The following CSNK2A1 variants were observed in gnomAD, a reference collection of about 807,000 sequenced individuals.
CSNK2A1 encodes casein kinase II subunit alpha.
A neutral mutation model predicts 62.9 loss-of-function variants in CSNK2A1; 10 were observed. The observed-to-expected ratio is 0.16, with a 90% confidence interval of 0.10 to 0.27. The LOEUF is 0.27. Ranked by LOEUF, CSNK2A1 falls within the 10% of genes least tolerant of loss-of-function variation. The probability of loss-of-function intolerance (pLI) is 1.00; values close to 1 mark genes in which losing one functional copy is unlikely to be tolerated. For synonymous variants in CSNK2A1, 124 were observed against 167.8 expected (o/e 0.74, Z 2.02); for missense variants, 160 against 492.0 (o/e 0.33, Z 6.38).
At chr20:514,612 T>G (rs1485123090) in intron 2 of CSNK2A1, among the ~76,000 whole-genome samples, 2 of 151,836 alleles carry the variant, frequency 1.3e-5, no homozygotes, top group Non-Finnish European at 2.9e-5. Flanking sequence ...CAGCTAATAT[T>G]TGTATTTTTT....
At chr20:525,836 T>TAA (rs397864425) in intron 2 of CSNK2A1, among the ~76,000 whole-genome samples, 83 of 71,034 alleles carry the variant, frequency 1.2e-3, no homozygotes, top group African/African-American at 2.7e-3. Context: ...TTAAAACTAT[T>TAA]AAAAAAAAAA....
intron 4 of CSNK2A1, chr20:503,359 C>G: frequency 5.0e-6 from 2 of 397,472 alleles, no homozygotes; most frequent in Non-Finnish European, 8.9e-6. Flanking sequence ...AAAAGGACTA[C>G]TATGGCTAGT....
chr20:515,899 C>A (rs796223277), intron 2 of CSNK2A1, among the ~76,000 whole-genome samples: 14 of 152,330 alleles, frequency 9.2e-5, no homozygotes, highest in African/African-American at 3.4e-4. Context: ...AAAACCAAGT[C>A]AAAGGTTCTT....
chr20:497,629 A>C lies in CSNK2A1; in HGVS notation c.426+92T>G, dbSNP rs538105810. The C allele has an allele frequency of 2.2e-4, 243 of 1,104,110 alleles. 1 individual carries two copies. The African/African-American group carries it at 3.7e-3, about 17-fold the overall frequency. 68.4% of individuals were successfully genotyped at this position (1,104,110 alleles called of 1,614,324 possible). A position where few individuals can be genotyped will look rare whatever the true frequency, so the allele number is the denominator to read the frequency against. On this transcript the variant is annotated intron_variant, in intron 7 of 13. Transcript: ENST00000217244. Reference sequence around the variant, plus strand: ...GGTCCCTTCTTTCAACATACTTTACAAAGTTAATCTGCTGGCTTTTCTACC... The same window carrying C: ...GGTCCCTTCTTTCAACATACTTTACCAAGTTAATCTGCTGGCTTTTCTACC...
intron 6 of CSNK2A1, 194 bp from the exon 7 acceptor site, chr20:497,974 A>C: frequency 1.9e-6 from 1 of 523,458 alleles, no homozygotes; most frequent in Non-Finnish European, 3.4e-6. Flanking sequence ...TTAAAAATGA[A>C]GAATTACTTA....
intron 1 of CSNK2A1, among the ~76,000 whole-genome samples, chr20:532,630 C>T (rs1163970351): frequency 6.6e-6 from 1 of 152,186 alleles, no homozygotes; most frequent in Non-Finnish European, 1.5e-5. Flanking sequence ...TATCTCAACA[C>T]ATCTGTAACG....
At position 482,156 on chromosome 20, in the gene CSNK2A1, G is replaced by A. The variant is rs1224524492; in HGVS notation, c.*1805C>T. The A allele has an allele frequency of 2.6e-5, 4 of 152,120 alleles. No individual in the cohort carries two copies. The highest frequency in any genetic ancestry group is 7.2e-5 in the African/African-American group (3 of 41,414). The allele number at this position is 152,120 out of a possible 1,614,324, so 9.4% of individuals were successfully genotyped here. On this transcript the variant is annotated 3_prime_UTR_variant, in exon 14 of 14. Coordinates refer to ENST00000217244, the MANE Select transcript of CSNK2A1 (RefSeq NM_177559.3). The stretch of plus-strand genomic sequence containing the variant: ...TAAATTCAACTCCCCAAACAATTAC[G>A]TTTATCTATGATGCCTAGGCGAGAA...
At chr20:543,612 C>T (rs1434699437) in intron 1 of CSNK2A1, 60 bp downstream of exon 1, 1 of 397,418 alleles carries the variant, frequency 2.5e-6, no homozygotes. Flanking sequence ...CCGCGCTCCG[C>T]TGCCCTATCC....
chr20:527,001 C>CAGAGAGAGAGAGAGAGAGAGAG (rs3055009), intron 2 of CSNK2A1: 5 of 97,890 alleles, frequency 5.1e-5, no homozygotes, highest in African/African-American at 8.1e-5. Context: ...GAGAGACAGA[C>CAGAGAGAGAGAGAGAGAGAGAG]AGAGAGAGAG....
rs1047395146 is a variant in CSNK2A1 at position 482,142 on chromosome 20, C to T, written c.*1819G>A. ...TTAGATAAGTTCATTAAATTCAACT[C>T]CCCAAACAATTACGTTTATCTATGA... On this transcript the variant is annotated 3_prime_UTR_variant, in exon 14 of 14. Coordinates refer to ENST00000217244, the MANE Select transcript of CSNK2A1 (RefSeq NM_177559.3). 6.6e-6 allele frequency: 1 copy of T among 152,158 alleles called. No individual in the cohort carries two copies. Among genetic ancestry groups the T allele is most frequent in the Non-Finnish European group, 1.5e-5 (1 of 68,036 alleles). 9.4% of individuals were successfully genotyped at this position (152,158 alleles called of 1,614,324 possible).
At chr20:510,598 A>G (rs990905831) in intron 2 of CSNK2A1, among the ~76,000 whole-genome samples, 7 of 152,248 alleles carry the variant, frequency 4.6e-5, no homozygotes, top group African/African-American at 1.7e-4. Flanking sequence ...ATGTGTATAT[A>G]TATAGCACAC....
At chr20:512,759 A>G (rs1463774736) in intron 2 of CSNK2A1, among the ~76,000 whole-genome samples, 1 of 152,238 alleles carries the variant, frequency 6.6e-6, no homozygotes, top group Non-Finnish European at 1.5e-5. Flanking sequence ...CCAGAAAACA[A>G]CAAAGTAATT....
chr20:501,852 A>T (rs1203019994), intron 4 of CSNK2A1: 2 of 152,200 alleles, frequency 1.3e-5, no homozygotes, highest in Non-Finnish European at 2.9e-5. Flanking sequence ...ACCCACCAAG[A>T]TTCACTAAAT....
chr20:525,402 C>T lies in CSNK2A1; in HGVS notation c.-110+2531G>A, dbSNP rs2019059187. 5.9e-5 allele frequency among the ~76,000 whole-genome samples: 9 copies of T among 152,152 alleles called. No homozygotes were observed. In the South Asian group the frequency reaches 1.9e-3, roughly 32 times the overall value. ...GCGCAGTGGCTCACGCCTGTAATCC[C>T]AGCACTGTGGGAGGCTGAGGCGGGC... On this transcript the variant is annotated intron_variant, in intron 2 of 13. Transcript: ENST00000217244.
intron 2 of CSNK2A1, among the ~76,000 whole-genome samples, chr20:527,463 T>A (rs2019121326): frequency 6.6e-6 from 1 of 152,206 alleles, no homozygotes; most frequent in Non-Finnish European, 1.5e-5. Context: ...CTTTTATACA[T>A]TGATTATGCC....
At chr20:517,879 G>A (rs2018860751) in intron 2 of CSNK2A1, among the ~76,000 whole-genome samples, 2 of 152,108 alleles carry the variant, frequency 1.3e-5, no homozygotes, top group African/African-American at 2.4e-5. Context: ...CTGATTTGGA[G>A]ACTATTAGTT....
chr20:532,647 AAC>A (rs1382863253), intron 1 of CSNK2A1, among the ~76,000 whole-genome samples: 1 of 152,176 alleles, frequency 6.6e-6, no homozygotes, highest in Non-Finnish European at 1.5e-5. Context: ...AACGCACCCT[AAC>A]ACAATACACT....
chr20:511,913 T>G (rs1402932918), intron 2 of CSNK2A1, among the ~76,000 whole-genome samples: 1 of 152,188 alleles, frequency 6.6e-6, no homozygotes, highest in Non-Finnish European at 1.5e-5. Flanking sequence ...TCTATGTTAA[T>G]TTTTTGAAGA....
intron 2 of CSNK2A1, among the ~76,000 whole-genome samples, chr20:515,005 A>G (rs2122590373): frequency 6.6e-6 from 1 of 152,290 alleles, no homozygotes; most frequent in East Asian, 1.9e-4. Context: ...GATTTTACCT[A>G]TGGACTAAGG....
Sources: allele counts gnomAD v4.1 joint callset (sites outside exome capture counted in the v4.1 genomes callset), GRCh38; gene constraint gnomAD v4.1.1; transcripts MANE v1.5; gene names NCBI Gene and HGNC (gene_info 2026-07-23, HGNC 2026-07-21).